GNB4: variants seen among roughly 807,000 people sequenced by gnomAD.
GNB4 encodes guanine nucleotide-binding protein subunit beta-4.
Under a neutral mutation model 45.2 loss-of-function variants are expected in GNB4, and 28 were observed. That is an observed-to-expected ratio of 0.62 (90% CI 0.46 to 0.85). The LOEUF (loss-of-function observed/expected upper bound fraction) is 0.85, where lower values mean the gene tolerates loss of function less well. Among genes scored for constraint, GNB4 ranks in the 40% least tolerant of loss-of-function variants. The pLI is 0.00. For missense variants in GNB4, 321 were observed against 425.4 expected, an observed-to-expected ratio of 0.75 and a Z score of 2.16; for synonymous variants, 132 against 143.7, an observed-to-expected ratio of 0.92 and a Z score of 0.58.
the GNB4 span, among the ~76,000 whole-genome samples, chr3:179,522,367 CT>C: frequency 4.9e-5 from 7 of 142,584 alleles, no homozygotes; most frequent in African/African-American, 2.2e-4. Context: ...GGCCACACCC[CT>C]ATCTCCCTTC....
intron 1 of GNB4, among the ~76,000 whole-genome samples, chr3:179,433,730 A>C (rs1405383549): frequency 6.6e-6 from 1 of 152,080 alleles, no homozygotes; most frequent in Non-Finnish European, 1.5e-5. Context: ...TCACAGACTG[A>C]GAAAAGATAG....
the GNB4 span, among the ~76,000 whole-genome samples, chr3:179,510,204 A>C: frequency 1.3e-5 from 2 of 152,054 alleles, no homozygotes; most frequent in Non-Finnish European, 2.9e-5. Context: ...AGTAGAAGCT[A>C]TCCAAAATCC....
intron 3 of GNB4, 109 bp downstream of exon 3, chr3:179,420,780 T>C (rs1462748520): frequency 1.4e-6 from 1 of 732,816 alleles, no homozygotes; most frequent in East Asian, 2.6e-5. Flanking sequence ...AGAGATTTCA[T>C]TTAACTTTTT....
In GNB4 at chr3:179,400,072, A is replaced by G. The variant is rs1215719699; in HGVS notation, c.*1141T>C. 2.0e-5 allele frequency: 3 copies of G among 152,214 alleles called. No homozygotes were observed. The highest frequency in any genetic ancestry group is 7.2e-5 in the African/African-American group (3 of 41,452). 9.4% of individuals were successfully genotyped at this position (152,214 alleles called of 1,614,324 possible). On this transcript the variant is annotated 3_prime_UTR_variant, in exon 10 of 10. Transcript: ENST00000232564. Reference sequence around the variant, plus strand: ...TCCTTTGAAGCAAAACCACTTAGAAACCAGTATTTTGTGCTAAGGAAGGGA... The same window carrying G: ...TCCTTTGAAGCAAAACCACTTAGAAGCCAGTATTTTGTGCTAAGGAAGGGA...
intron 1 of GNB4, among the ~76,000 whole-genome samples, chr3:179,444,358 A>C (rs1052066490): frequency 1.3e-5 from 2 of 152,098 alleles, no homozygotes; most frequent in African/African-American, 4.8e-5. Flanking sequence ...CTAAGTTTAA[A>C]ATTTTTAATT....
the GNB4 span, among the ~76,000 whole-genome samples, chr3:179,479,718 C>T: frequency 2.6e-5 from 4 of 152,106 alleles, no homozygotes; most frequent in South Asian, 2.1e-4. Context: ...TAAGTGCAAA[C>T]GTGTAAGAGC....
the GNB4 span, among the ~76,000 whole-genome samples, chr3:179,520,218 C>T: frequency 3.3e-4 from 46 of 141,478 alleles, 1 homozygote; most frequent in African/African-American, 1.1e-3. Context: ...GCTGTACTGC[C>T]GCAAGGCTTC....
At chr3:179,423,709 A>G (rs566122996) in intron 2 of GNB4, among the ~76,000 whole-genome samples, 193 of 152,028 alleles carry the variant, frequency 1.3e-3, no homozygotes, top group African/African-American at 4.4e-3. Context: ...TGAACCTGGG[A>G]GGCAGAGGTT....
intron 1 of GNB4, among the ~76,000 whole-genome samples, chr3:179,448,030 G>C (rs968543164): frequency 7.9e-5 from 12 of 152,192 alleles, no homozygotes; most frequent in African/African-American, 2.9e-4. Context: ...AGTTTGGCAA[G>C]ACTGACATCC....
At chr3:179,447,533 T>A (rs1715766443) in intron 1 of GNB4, among the ~76,000 whole-genome samples, 1 of 151,978 alleles carries the variant, frequency 6.6e-6, no homozygotes, top group African/African-American at 2.4e-5. Flanking sequence ...TTATTTTATC[T>A]AACAATAATG....
At position 179,416,560 on chromosome 3, in the gene GNB4, G is replaced by A. The variant is rs377746889; in HGVS notation, c.204-4C>T. ...TTGAGAAGCACTGACTAGCAGCCTA[G>A]AGGAACAAACACAAAAATAATTTGA... On this transcript the variant is annotated splice_region_variant and splice_polypyrimidine_tract_variant and intron_variant, in intron 4 of 9. Coordinates refer to ENST00000232564, the MANE Select transcript of GNB4 (RefSeq NM_021629.4). 2.5e-6 allele frequency: 4 copies of A among 1,584,782 alleles called. No individual in the cohort carries two copies. The highest frequency in any genetic ancestry group is 1.7e-4 in the Middle Eastern group (1 of 6,018).
rs1714190407 is a variant in GNB4 at position 179,398,571 on chromosome 3, A to G, written c.*2642T>C. 1 of 152,160 alleles carries G rather than the reference A, an allele frequency of 6.6e-6. No homozygotes were observed. The highest frequency in any genetic ancestry group is 2.4e-5 in the African/African-American group (1 of 41,444). 9.4% of individuals were successfully genotyped at this position (152,160 alleles called of 1,614,324 possible). A position where few individuals can be genotyped will look rare whatever the true frequency, so the allele number is the denominator to read the frequency against. On this transcript the variant is annotated 3_prime_UTR_variant, in exon 10 of 10. Transcript: ENST00000232564. The stretch of plus-strand genomic sequence containing the variant: ...TAACTGCAATATTCTTGATGATGCA[A>G]ATTTTTAAAAACTAAATCCAGCCAG...
the GNB4 span, chr3:179,464,913 C>T: frequency 6.6e-7 from 1 of 1,522,590 alleles, no homozygotes; most frequent in African/African-American, 1.4e-5. Context: ...ACTGACATTC[C>T]AACCCTAGGG....
the GNB4 span, among the ~76,000 whole-genome samples, chr3:179,490,966 T>G: frequency 6.6e-6 from 1 of 152,146 alleles, no homozygotes; most frequent in South Asian, 2.1e-4. Flanking sequence ...ATAACAGCAT[T>G]GGAAGAATAA....
At chr3:179,480,917 T>C in the GNB4 span, among the ~76,000 whole-genome samples, 1 of 150,102 alleles carries the variant, frequency 6.7e-6, no homozygotes, top group African/African-American at 2.5e-5. Flanking sequence ...AGTGGCGCGA[T>C]CTCGGCTCAC....
At chr3:179,406,954 C>G (rs1714491567) in intron 8 of GNB4, among the ~76,000 whole-genome samples, 1 of 152,116 alleles carries the variant, frequency 6.6e-6, no homozygotes, top group South Asian at 2.1e-4. Flanking sequence ...TCATAAGACC[C>G]TTGGACCTTC....
At chr3:179,494,943 A>G in the GNB4 span, among the ~76,000 whole-genome samples, 2 of 150,320 alleles carry the variant, frequency 1.3e-5, no homozygotes, top group African/African-American at 4.9e-5. Context: ...GAAGGAAGGA[A>G]GGAAAAAAAA....
chr3:179,425,493 C>CA (rs1308019957), intron 2 of GNB4, among the ~76,000 whole-genome samples: 1 of 152,166 alleles, frequency 6.6e-6, no homozygotes, highest in African/African-American at 2.4e-5. Context: ...TTTTCTGAGA[C>CA]AGAGTCTCGC....
chr3:179,519,762 A>C, the GNB4 span, among the ~76,000 whole-genome samples: 5 of 151,900 alleles, frequency 3.3e-5, no homozygotes, highest in Non-Finnish European at 7.4e-5. Context: ...AGTATAGGAC[A>C]CCTCTACTCC....
Sources: allele counts gnomAD v4.1 joint callset (sites outside exome capture counted in the v4.1 genomes callset), GRCh38; gene constraint gnomAD v4.1.1; transcripts MANE v1.5; gene names NCBI Gene and HGNC (gene_info 2026-07-23, HGNC 2026-07-21).